TMPRSS5: variants seen among roughly 807,000 people sequenced by gnomAD.
The protein encoded by TMPRSS5 is transmembrane serine protease 5.
In TMPRSS5, 45 loss-of-function variants were observed where a neutral mutation model predicts 59.7. That is an observed-to-expected ratio of 0.75 (90% CI 0.59 to 0.97). TMPRSS5 has a LOEUF of 0.97. TMPRSS5 is among the 50% of genes least tolerant of loss of function. The pLI, the probability that TMPRSS5 is intolerant of heterozygous loss-of-function variation, is 0.00. For missense variants in TMPRSS5, 585 were observed against 596.7 expected (o/e 0.98, Z 0.20); for synonymous variants, 225 against 232.0 (o/e 0.97, Z 0.27).
rs770204124 is a variant in TMPRSS5, at chr11:113,697,309, C to T, written c.438G>A (p.Gln146=). Reference sequence around the variant, plus strand: ...TGAGATGCCCAAGGCTCCAGCAGATCTGCAGCCCCAGGGCGGGGCTCCAGC... The same window carrying T: ...TGAGATGCCCAAGGCTCCAGCAGATTTGCAGCCCCAGGGCGGGGCTCCAGC... ...HEGWSPALGL[Q]ICWSLGHLRL... is the part of the protein sequence containing the mutation. The change falls in exon 5 of 13, where the codon CAG becomes CAA. Residue 146 remains glutamine (Q), a synonymous_variant. Coordinates refer to ENST00000299882, the MANE Select transcript of TMPRSS5 (RefSeq NM_030770.4). The T allele has an allele frequency of 2.5e-5, 40 of 1,612,956 alleles. No individual in the cohort carries two copies. The highest frequency in any genetic ancestry group is 1.7e-4 in the Middle Eastern group (1 of 6,006).
intron 1 of TMPRSS5, among the ~76,000 whole-genome samples, chr11:113,703,713 G>A (rs1267166720): frequency 6.6e-6 from 1 of 152,206 alleles, no homozygotes; most frequent in Non-Finnish European, 1.5e-5. Flanking sequence ...TCTCATGATA[G>A]TGAGTGAGTT....
At position 113,688,633 on chromosome 11, in the gene TMPRSS5, C is replaced by T. The variant is rs1201290930; in HGVS notation, c.1360-359G>A. On this transcript the variant is annotated intron_variant, in intron 12 of 12. Transcript: ENST00000299882. ...TCGCCCAGCCTGGAGTGCAGTGGCACGATCTCAGCTCACTGGAACCTCCGC... is the reference window on the plus strand; with the variant it reads ...TCGCCCAGCCTGGAGTGCAGTGGCATGATCTCAGCTCACTGGAACCTCCGC... 5.9e-5 allele frequency among the ~76,000 whole-genome samples: 9 copies of T among 152,268 alleles called. No homozygotes were observed. The South Asian group carries it at 6.2e-4, about 11-fold the overall frequency.
chr11:113,700,229 C>T, intron 1 of TMPRSS5, 61 bp from the exon 2 acceptor site: 3 of 1,394,710 alleles, frequency 2.2e-6, no homozygotes, highest in Non-Finnish European at 1.9e-6. Flanking sequence ...AGAGAAGTCA[C>T]AGCCCAGTCC....
chr11:113,690,176 G>GGCCCCCC, intron 11 of TMPRSS5, 55 bp downstream of exon 11: 8 of 388,226 alleles, frequency 2.1e-5, no homozygotes, highest in Admixed American at 5.8e-5. Context: ...CAGGCCCCCT[G>GGCCCCCC]CCCTCCCACC....
In TMPRSS5 at chr11:113,690,250, C is replaced by T. The variant is rs775703954; in HGVS notation, c.1187G>A (p.Gly396Glu). ...PRMLCAGYLDGRADACQGDSG... is the reference protein window; with the variant it reads ...PRMLCAGYLDERADACQGDSG... ...CCACACCTGGCATGCATCAGCCCTTCCGTCCAGGTAGCCAGCGCAAAGCAT... is the reference window on the plus strand; with the variant it reads ...CCACACCTGGCATGCATCAGCCCTTTCGTCCAGGTAGCCAGCGCAAAGCAT... The change falls in exon 11 of 13, where the codon GGA (glycine) becomes GAA (glutamate). Residue 396 changes from glycine (G) to glutamate (E), a missense_variant. By Grantham distance (98) the Gly-to-Glu change is moderately conservative (BLOSUM62 -2). Transcript: ENST00000299882. The T allele has an allele frequency of 1.0e-5, 16 of 1,533,694 alleles. No homozygotes were observed. The highest frequency in any genetic ancestry group is 3.4e-4 in the Middle Eastern group (2 of 5,838).
intron 11 of TMPRSS5, 55 bp downstream of exon 11, chr11:113,690,176 G>GGGCCCCC: frequency 2.6e-6 from 1 of 388,230 alleles, no homozygotes; most frequent in Non-Finnish European, 4.2e-6. Flanking sequence ...CAGGCCCCCT[G>GGGCCCCC]CCCTCCCACC....
chr11:113,693,283 A>G, intron 8 of TMPRSS5, 34 bp from the exon 9 acceptor site: 1 of 1,486,088 alleles, frequency 6.7e-7, no homozygotes, highest in Non-Finnish European at 9.0e-7. Flanking sequence ...CGGGGAAGGA[A>G]GGGGCAGAAG....
At chr11:113,702,273 A>G (rs904634327) in intron 1 of TMPRSS5, among the ~76,000 whole-genome samples, 3 of 152,230 alleles carry the variant, frequency 2.0e-5, no homozygotes, top group African/African-American at 7.2e-5. Context: ...TCTTTACAGT[A>G]AGATGATTTA....
Position 113,697,425 on chromosome 11 carries a change from T to G in TMPRSS5, c.329-7A>C. 2 of 1,613,336 alleles carry G rather than the reference T, an allele frequency of 1.2e-6. No homozygotes were observed. Among genetic ancestry groups the G allele is most frequent in the Non-Finnish European group, 1.7e-6 (2 of 1,179,452 alleles). On this transcript the variant is annotated splice_region_variant and splice_polypyrimidine_tract_variant and intron_variant, in intron 4 of 12. Coordinates refer to ENST00000299882, the MANE Select transcript of TMPRSS5 (RefSeq NM_030770.4). ...CTGTTTATTCTGAAAGATACTGAAA[T>G]CACAGCATGAAAACCACATGGGAGA...
Position 113,698,898 on chromosome 11 carries a change from A to G in TMPRSS5, c.328+7T>C. ...GGGAGGCCCGTAGCCTTAGGGGTGC[A>G]GCCCACCTGTTTTGGGAAGTGCAGG... On this transcript the variant is annotated splice_region_variant and intron_variant, in intron 4 of 12. Coordinates refer to ENST00000299882, the MANE Select transcript of TMPRSS5 (RefSeq NM_030770.4). 6.3e-7 allele frequency: 1 copy of G among 1,582,724 alleles called. No homozygotes were observed. The highest frequency in any genetic ancestry group is 1.2e-5 in the South Asian group (1 of 86,338).
At chr11:113,690,484 G>A (rs943708229) in intron 10 of TMPRSS5, 111 bp from the exon 11 acceptor site, 22 of 1,462,484 alleles carry the variant, frequency 1.5e-5, no homozygotes, top group Middle Eastern at 3.6e-4. Flanking sequence ...CCAAAGAGGC[G>A]AGCCCAGGGT....
Position 113,693,061 on chromosome 11 carries a change from A to G in TMPRSS5, c.964+10T>C. 1.4e-6 allele frequency: 2 copies of G among 1,389,702 alleles called. No individual in the cohort carries two copies. Among genetic ancestry groups the G allele is most frequent in the Non-Finnish European group, 1.9e-6 (2 of 1,045,206 alleles). 86.1% of individuals were successfully genotyped at this position (1,389,702 alleles called of 1,614,324 possible). A position where few individuals can be genotyped will look rare whatever the true frequency, so the allele number is the denominator to read the frequency against. ...TCTCCAGCCTGCCCACCCTCAAGCCAGTGCCGCACCTGAGAAGTTGAGAGC... is the reference window on the plus strand; with the variant it reads ...TCTCCAGCCTGCCCACCCTCAAGCCGGTGCCGCACCTGAGAAGTTGAGAGC... On this transcript the variant is annotated intron_variant, in intron 9 of 12. Coordinates refer to ENST00000299882, the MANE Select transcript of TMPRSS5 (RefSeq NM_030770.4).
intron 1 of TMPRSS5, among the ~76,000 whole-genome samples, chr11:113,705,844 C>T (rs1953275797): frequency 1.3e-5 from 2 of 152,172 alleles, no homozygotes; most frequent in African/African-American, 4.8e-5. Flanking sequence ...AAACTGGCCT[C>T]ACCTCATGTA....
intron 2 of TMPRSS5, 38 bp downstream of exon 2, chr11:113,700,028 C>A: frequency 6.4e-7 from 1 of 1,551,772 alleles, no homozygotes; most frequent in Non-Finnish European, 8.7e-7. Context: ...CTCCACTGTC[C>A]CCACCCTGTC....
intron 9 of TMPRSS5, among the ~76,000 whole-genome samples, chr11:113,691,868 G>A (rs907824325): frequency 6.8e-5 from 9 of 131,392 alleles, no homozygotes; most frequent in Admixed American, 3.1e-4. Flanking sequence ...GGTCAACTAA[G>A]AAAGTTTTCT....
At position 113,690,237 on chromosome 11, in the gene TMPRSS5, T is replaced by C. The variant is rs759771983; in HGVS notation, c.1200A>G (p.Ala400=). 2 of 1,391,310 alleles carry C rather than the reference T, an allele frequency of 1.4e-6. No homozygotes were observed. The allele number at this position is 1,391,310 out of a possible 1,614,324, so 86.2% of individuals were successfully genotyped here. A position where few individuals can be genotyped will look rare whatever the true frequency, so the allele number is the denominator to read the frequency against. Residue 400 remains alanine (A), a synonymous_variant, in exon 11 of 13, where the codon GCA becomes GCG. Coordinates refer to ENST00000299882, the MANE Select transcript of TMPRSS5 (RefSeq NM_030770.4). The part of the protein sequence containing the change: ...CAGYLDGRAD[A]CQGDSGGPLV... The stretch of plus-strand genomic sequence containing the variant: ...CAGCCACCACAGGCCACACCTGGCA[T>C]GCATCAGCCCTTCCGTCCAGGTAGC...
At chr11:113,695,937 T>G (rs1205202514) in intron 6 of TMPRSS5, among the ~76,000 whole-genome samples, 1 of 152,152 alleles carries the variant, frequency 6.6e-6, no homozygotes, top group Non-Finnish European at 1.5e-5. Context: ...CTCTTCTCTC[T>G]TAGCTCTTAG....
intron 12 of TMPRSS5, among the ~76,000 whole-genome samples, chr11:113,688,948 C>T (rs1020492506): frequency 2.0e-5 from 3 of 152,176 alleles, no homozygotes; most frequent in Non-Finnish European, 4.4e-5. Context: ...ACACAATTTA[C>T]GTAGGTGCAG....
intron 1 of TMPRSS5, among the ~76,000 whole-genome samples, chr11:113,702,762 CA>C (rs1953178126): frequency 6.6e-6 from 1 of 152,188 alleles, no homozygotes; most frequent in Non-Finnish European, 1.5e-5. Flanking sequence ...TAAAAGGGGA[CA>C]AGGTACAGCT....
Sources: gnomAD v4.1 joint callset for allele counts (sites outside exome capture counted in the v4.1 genomes callset) on GRCh38, gnomAD v4.1.1 for gene constraint, MANE v1.5 for transcripts, NCBI Gene and HGNC (gene_info 2026-07-23, HGNC 2026-07-21) for gene names.